CTIF: variants seen among roughly 807,000 people sequenced by gnomAD.
CTIF encodes the protein CBP80/20-dependent translation initiation factor.
CTIF carries 21 observed loss-of-function variants against 66.0 expected under a neutral mutation model. The observed-to-expected ratio is 0.32, with a 90% CI of 0.23 to 0.46. The LOEUF is 0.46. Ranked by LOEUF, CTIF falls within the 20% of genes least tolerant of loss-of-function variation. CTIF has a pLI of 1.00. For missense variants in CTIF, 739 were observed against 812.7 expected (o/e 0.91, Z 1.10); for synonymous variants, 345 against 326.4 (o/e 1.06, Z -0.62).
intron 1 of CTIF, among the ~76,000 whole-genome samples, chr18:48,563,523 G>A (rs1002606007): frequency 2.0e-5 from 3 of 152,192 alleles, no homozygotes; most frequent in African/African-American, 7.2e-5. Flanking sequence ...CCAGGCTGGA[G>A]TGCAGTGGCG....
At chr18:48,695,587 C>G (rs540097439) in intron 6 of CTIF, among the ~76,000 whole-genome samples, 1 of 152,210 alleles carries the variant, frequency 6.6e-6, no homozygotes. Flanking sequence ...TTTAGTCTAT[C>G]CAGCCCTCCT....
rs186537136 is a variant in CTIF, at chr18:48,805,403, G to C, written c.1372-11818G>C. ...GGAGGAGTGAGGGGGCTTCACTGGTGGGGGGGACCAAGGAGGAAAGCCTGC... is the reference window on the plus strand; with the variant it reads ...GGAGGAGTGAGGGGGCTTCACTGGTCGGGGGGACCAAGGAGGAAAGCCTGC... On this transcript the variant is annotated intron_variant, in intron 9 of 11. Transcript: ENST00000256413. Among the ~76,000 whole-genome samples the C allele has an allele frequency of 1.8e-4, 26 of 147,682 alleles. No homozygotes were observed. In the South Asian group the frequency reaches 5.4e-3, roughly 31 times the overall value.
intron 10 of CTIF, among the ~76,000 whole-genome samples, chr18:48,821,705 T>G (rs532605163): frequency 1.3e-5 from 2 of 152,392 alleles, no homozygotes; most frequent in Admixed American, 1.3e-4. Context: ...TCAAAGTGAT[T>G]GAAGAAGATT....
At chr18:48,636,101 T>C (rs900224099) in intron 2 of CTIF, among the ~76,000 whole-genome samples, 5 of 152,198 alleles carry the variant, frequency 3.3e-5, no homozygotes, top group Non-Finnish European at 7.3e-5. Context: ...TCAGGGGATG[T>C]GAGTGGCAGG....
chr18:48,750,945 G>A (rs1484635033), intron 7 of CTIF, among the ~76,000 whole-genome samples: 3 of 152,246 alleles, frequency 2.0e-5, no homozygotes, highest in Non-Finnish European at 4.4e-5. Flanking sequence ...AACTATATAA[G>A]TTCAAACCCA....
intron 10 of CTIF, among the ~76,000 whole-genome samples, chr18:48,831,440 C>T (rs902073156): frequency 6.6e-6 from 1 of 152,226 alleles, no homozygotes; most frequent in Non-Finnish European, 1.5e-5. Context: ...GTTGTGGGGG[C>T]CTGGGCACCT....
chr18:48,631,684 G>A (rs538301371), intron 2 of CTIF, among the ~76,000 whole-genome samples: 4 of 152,292 alleles, frequency 2.6e-5, no homozygotes, highest in East Asian at 1.9e-4. Context: ...ATTAAGACAC[G>A]AATTTTAATA....
At chr18:48,747,183 C>A (rs1252702689) in intron 7 of CTIF, among the ~76,000 whole-genome samples, 3 of 152,178 alleles carry the variant, frequency 2.0e-5, no homozygotes, top group Non-Finnish European at 4.4e-5. Flanking sequence ...GAGAGGCCAG[C>A]CTGAGAAGCA....
chr18:48,758,493 C>T, intron 8 of CTIF, 88 bp downstream of exon 8: 1 of 1,479,378 alleles, frequency 6.8e-7, no homozygotes. Context: ...AGTGCAGAGC[C>T]TTGTGGGTTT....
intron 5 of CTIF, among the ~76,000 whole-genome samples, chr18:48,669,961 A>C (rs1275614310): frequency 6.6e-6 from 1 of 151,026 alleles, no homozygotes. Context: ...AAGATGTTAG[A>C]CACTATTATC....
chr18:48,573,093 A>T lies in CTIF; in HGVS notation c.-29+33781A>T, dbSNP rs544995232. On this transcript the variant is annotated intron_variant, in intron 1 of 11. Transcript: ENST00000256413. ...GTGAGCCGTCTCGGAGGTAGCCAACATGTGGCTGAAGCAGTCTTTAAGGAC... is the reference window on the plus strand; with the variant it reads ...GTGAGCCGTCTCGGAGGTAGCCAACTTGTGGCTGAAGCAGTCTTTAAGGAC... Among the ~76,000 whole-genome samples the T allele has an allele frequency of 1.7e-4, 26 of 152,268 alleles. No individual in the cohort carries two copies. The East Asian group carries it at 5.0e-3, about 29-fold the overall frequency.
intron 1 of CTIF, among the ~76,000 whole-genome samples, chr18:48,584,069 C>T (rs956407364): frequency 8.5e-5 from 13 of 152,110 alleles, no homozygotes; most frequent in Admixed American, 2.0e-4. Flanking sequence ...AGAAAGCGGC[C>T]CCTGCCTCCC....
intron 1 of CTIF, among the ~76,000 whole-genome samples, chr18:48,600,437 C>A (rs1011263630): frequency 2.0e-5 from 3 of 152,142 alleles, no homozygotes; most frequent in Non-Finnish European, 2.9e-5. Context: ...TGGCTCTGGG[C>A]AGGATTTCCT....
chr18:48,762,549 CT>C (rs1909111854), intron 9 of CTIF, among the ~76,000 whole-genome samples: 1 of 152,196 alleles, frequency 6.6e-6, no homozygotes, highest in African/African-American at 2.4e-5. Context: ...GCCATGTCTC[CT>C]TTCCTCCTAT....
chr18:48,649,734 C>T (rs1052194712), intron 3 of CTIF, among the ~76,000 whole-genome samples: 5 of 152,276 alleles, frequency 3.3e-5, no homozygotes, highest in East Asian at 1.9e-4. Flanking sequence ...GGCAGGTGCA[C>T]CTCTGGGACA....
At chr18:48,629,398 A>ACT (rs1011019292) in intron 2 of CTIF, among the ~76,000 whole-genome samples, 2 of 152,138 alleles carry the variant, frequency 1.3e-5, no homozygotes, top group African/African-American at 4.8e-5. Flanking sequence ...TTGTACCCAC[A>ACT]CTCTCTCTCT....
chr18:48,664,765 C>G (rs1024642006), intron 5 of CTIF, among the ~76,000 whole-genome samples: 9 of 152,182 alleles, frequency 5.9e-5, no homozygotes, highest in Admixed American at 5.2e-4. Context: ...ATGCCATCCC[C>G]ACCTGCTCCT....
At chr18:48,837,008 T>G (rs747681037) in intron 10 of CTIF, among the ~76,000 whole-genome samples, 1 of 152,180 alleles carries the variant, frequency 6.6e-6, no homozygotes. Context: ...GGCAGGAAAC[T>G]GAGGCAGCCA....
intron 6 of CTIF, among the ~76,000 whole-genome samples, chr18:48,708,078 C>T (rs1221044121): frequency 2.6e-5 from 4 of 152,186 alleles, no homozygotes; most frequent in Non-Finnish European, 5.9e-5. Flanking sequence ...ATATAATACT[C>T]CACTGTATAT....
Sources: allele counts gnomAD v4.1 joint callset (sites outside exome capture counted in the v4.1 genomes callset), GRCh38; gene constraint gnomAD v4.1.1; transcripts MANE v1.5; gene names NCBI Gene and HGNC (gene_info 2026-07-23, HGNC 2026-07-21).